Variants in HAT1 observed in about 807,000 individuals in gnomAD.
The protein encoded by HAT1 is histone acetyltransferase type B catalytic subunit.
HAT1 carries 20 observed loss-of-function variants against 56.6 expected under a neutral mutation model. The ratio of observed to expected loss-of-function variants is 0.35; its 90% CI spans 0.25 to 0.51. The LOEUF is 0.51. HAT1 is among the 20% of genes least tolerant of loss of function. The probability of loss-of-function intolerance (pLI) is 0.95; values close to 1 mark genes in which losing one functional copy is unlikely to be tolerated. For synonymous variants in HAT1, 146 were observed against 165.5 expected, an observed-to-expected ratio of 0.88 and a Z score of 0.91; for missense variants, 408 against 504.3, an observed-to-expected ratio of 0.81 and a Z score of 1.83.
chr2:171,977,557 AT>A (rs1172067451), intron 9 of HAT1, among the ~76,000 whole-genome samples: 561 of 15,882 alleles, frequency 0.035, 13 homozygotes, highest in Admixed American at 0.04. Context: ...ATATATATAT[AT>A]TTTTTTTTTT....
In HAT1 at chr2:171,936,850, A is replaced by G. The variant is rs374067333; in HGVS notation, c.113-9858A>G. Among the ~76,000 whole-genome samples the G allele has an allele frequency of 2.6e-5, 4 of 152,238 alleles. No homozygotes were observed. The East Asian group carries it at 7.7e-4, about 29-fold the overall frequency. On this transcript the variant is annotated intron_variant, in intron 2 of 10. Transcript: ENST00000264108. ...TTATGAATAAACTTAGATGTAGTCC[A>G]GAATACAATTAGATACTATACCCCG...
intron 8 of HAT1, among the ~76,000 whole-genome samples, chr2:171,972,595 C>T (rs938219647): frequency 6.6e-6 from 1 of 152,184 alleles, no homozygotes; most frequent in Non-Finnish European, 1.5e-5. Flanking sequence ...AGGTGCCCTG[C>T]CCCAACCCCC....
At chr2:171,922,753 C>T (rs369247295) in intron 1 of HAT1, 1 of 395,900 alleles carries the variant, frequency 2.5e-6, no homozygotes. Context: ...TACCGAGGGC[C>T]GAAGACGCCA....
intron 2 of HAT1, among the ~76,000 whole-genome samples, chr2:171,931,502 C>T (rs747386497): frequency 2.6e-5 from 4 of 152,090 alleles, no homozygotes; most frequent in Admixed American, 1.3e-4. Flanking sequence ...GGTGAAATTC[C>T]GTCTCTACTA....
At chr2:171,946,647 C>A in intron 2 of HAT1, 61 bp from the exon 3 acceptor site, 2 of 941,112 alleles carry the variant, frequency 2.1e-6, no homozygotes, top group Non-Finnish European at 3.4e-6. Context: ...ATAGGAATAC[C>A]TGTCACCTTC....
chr2:171,954,355 T>C (rs999727919), intron 4 of HAT1, among the ~76,000 whole-genome samples: 1 of 152,144 alleles, frequency 6.6e-6, no homozygotes, highest in South Asian at 2.1e-4. Flanking sequence ...ATTATAAAAC[T>C]ATTTAAAGTG....
intron 2 of HAT1, among the ~76,000 whole-genome samples, chr2:171,943,774 C>G (rs927444084): frequency 6.7e-6 from 1 of 149,780 alleles, no homozygotes; most frequent in African/African-American, 2.4e-5. Context: ...TGTTATCACA[C>G]TTAAGAAAAT....
chr2:171,947,888 A>G (rs1687211253), intron 3 of HAT1, among the ~76,000 whole-genome samples: 1 of 152,174 alleles, frequency 6.6e-6, no homozygotes, highest in African/African-American at 2.4e-5. Flanking sequence ...AAAAAACAAA[A>G]ACAAAATAAA....
intron 8 of HAT1, among the ~76,000 whole-genome samples, chr2:171,967,905 CA>C (rs1186526007): frequency 1.2e-4 from 16 of 138,634 alleles, no homozygotes; most frequent in Non-Finnish European, 1.1e-4. Context: ...CCACCCCCAC[CA>C]AAAAAAAAAT....
intron 3 of HAT1, among the ~76,000 whole-genome samples, chr2:171,951,679 C>A (rs1687313434): frequency 6.6e-6 from 1 of 151,788 alleles, no homozygotes. Flanking sequence ...TGATCCCCCC[C>A]CGCCTCAGCA....
At chr2:171,948,751 T>C (rs887318923) in intron 3 of HAT1, among the ~76,000 whole-genome samples, 4 of 152,238 alleles carry the variant, frequency 2.6e-5, no homozygotes, top group African/African-American at 7.2e-5. Flanking sequence ...AGAACTGTTA[T>C]ATTGGATTAA....
chr2:171,949,202 G>T (rs189168629), intron 3 of HAT1, among the ~76,000 whole-genome samples: 1 of 151,868 alleles, frequency 6.6e-6, no homozygotes, highest in East Asian at 1.9e-4. Context: ...ATCAAACTCA[G>T]GGATGCTTTT....
At chr2:171,973,811 A>G (rs1203885215) in intron 8 of HAT1, among the ~76,000 whole-genome samples, 1 of 152,106 alleles carries the variant, frequency 6.6e-6, no homozygotes, top group Non-Finnish European at 1.5e-5. Context: ...GCCTCCCACA[A>G]AATCCCTGGT....
chr2:171,970,882 A>C (rs1687799154), intron 8 of HAT1, among the ~76,000 whole-genome samples: 1 of 151,520 alleles, frequency 6.6e-6, no homozygotes, highest in African/African-American at 2.4e-5. Flanking sequence ...GACATTGGAT[A>C]AGCTTGTACC....
At chr2:171,953,170 G>A (rs562471754) in intron 4 of HAT1, among the ~76,000 whole-genome samples, 169 bp downstream of exon 4, 29 of 151,862 alleles carry the variant, frequency 1.9e-4, no homozygotes, top group African/African-American at 6.8e-4. Context: ...CATAGTGAGA[G>A]CCCATTTCTC....
intron 2 of HAT1, among the ~76,000 whole-genome samples, chr2:171,941,453 T>A (rs1687016561): frequency 6.6e-6 from 1 of 152,166 alleles, no homozygotes; most frequent in African/African-American, 2.4e-5. Flanking sequence ...GATATGAGTC[T>A]GCAAGCAATT....
intron 8 of HAT1, among the ~76,000 whole-genome samples, chr2:171,975,394 T>C (rs1209123609): frequency 1.3e-5 from 2 of 152,118 alleles, no homozygotes; most frequent in Non-Finnish European, 2.9e-5. Context: ...TGTGAGCCAC[T>C]GTGCCTGGCC....
intron 1 of HAT1, chr2:171,924,742 T>C (rs904964221): frequency 1.3e-5 from 2 of 152,236 alleles, no homozygotes; most frequent in Non-Finnish European, 2.9e-5. Flanking sequence ...ATGGTAACTA[T>C]GGTTACCAGA....
chr2:171,983,366 C>G lies in HAT1; in HGVS notation c.*14C>G, dbSNP rs192123385. 16 of 1,541,662 alleles carry G rather than the reference C, an allele frequency of 1.0e-5. No homozygotes were observed. ...GCTCAAGAGTAAAGATTATACTGCT[C>G]TGTACAGGAAGCTTGCAAATTTTCT... On this transcript the variant is annotated 3_prime_UTR_variant, in exon 11 of 11. Coordinates refer to ENST00000264108, the MANE Select transcript of HAT1 (RefSeq NM_003642.4).
Sources: gnomAD v4.1 joint callset for allele counts (sites outside exome capture counted in the v4.1 genomes callset) on GRCh38, gnomAD v4.1.1 for gene constraint, MANE v1.5 for transcripts, NCBI Gene and HGNC (gene_info 2026-07-23, HGNC 2026-07-21) for gene names.